The following CEP350 variants were observed in gnomAD, a reference collection of about 807,000 sequenced individuals.
CEP350 encodes the protein centrosome-associated protein 350.
Under a neutral mutation model 331.8 loss-of-function variants are expected in CEP350, and 126 were observed. That is an observed-to-expected ratio of 0.38 (90% CI 0.33 to 0.44). The LOEUF is 0.44. Ranked by LOEUF, CEP350 falls within the 20% of genes least tolerant of loss-of-function variation. CEP350 has a pLI of 1.00. For missense variants in CEP350, 3,406 were observed against 3,634.6 expected (o/e 0.94, Z 1.62); for synonymous variants, 1,200 against 1,259.5 (o/e 0.95, Z 1.00).
At chr1:180,094,991 C>T (rs912598653) in intron 34 of CEP350, among the ~76,000 whole-genome samples, 2 of 152,174 alleles carry the variant, frequency 1.3e-5, no homozygotes, top group African/African-American at 4.8e-5. Flanking sequence ...AGTGGCTCAC[C>T]ACCCAATTCT....
At chr1:180,031,595 T>A in intron 15 of CEP350, 101 bp downstream of exon 15, 1 of 479,600 alleles carries the variant, frequency 2.1e-6, no homozygotes, top group Non-Finnish European at 3.4e-6. Flanking sequence ...TCCCCTTAAC[T>A]GTGCATGTCT....
At chr1:179,955,462 T>G (rs963898987) in intron 1 of CEP350, among the ~76,000 whole-genome samples, 71 of 152,186 alleles carry the variant, frequency 4.7e-4, no homozygotes, top group African/African-American at 1.7e-3. Flanking sequence ...GTGTCCCTTC[T>G]TCATCTGGCG....
intron 10 of CEP350, among the ~76,000 whole-genome samples, 157 bp from the exon 11 acceptor site, chr1:180,015,692 A>T (rs1654929009): frequency 6.6e-6 from 1 of 152,158 alleles, no homozygotes; most frequent in African/African-American, 2.4e-5. Context: ...GTTTGTTTTT[A>T]AGACAAAATA....
intron 1 of CEP350, among the ~76,000 whole-genome samples, chr1:179,974,192 G>A (rs1270879142): frequency 6.6e-6 from 1 of 152,024 alleles, no homozygotes; most frequent in African/African-American, 2.4e-5. Context: ...CCATTCTCCT[G>A]CCTCAGCCTC....
chr1:180,027,893 T>C (rs1172085378), intron 14 of CEP350, among the ~76,000 whole-genome samples: 1 of 152,208 alleles, frequency 6.6e-6, no homozygotes, highest in Non-Finnish European at 1.5e-5. Flanking sequence ...TAAAATGTGG[T>C]ACATTTTGTC....
Position 180,065,545 on chromosome 1 carries a change from G to A in CEP350, c.5567+273G>A, listed in dbSNP as rs551393576. 2.0e-5 allele frequency among the ~76,000 whole-genome samples: 3 copies of A among 152,038 alleles called. No homozygotes were observed. The East Asian group carries it at 5.8e-4, about 29-fold the overall frequency. ...ACCTATAATCCCAGCACTTTGAGAA[G>A]CTGAGGCAGGAGGATCATCTGAGCC... is the stretch of plus-strand genomic sequence containing the variant. On this transcript the variant is annotated intron_variant, in intron 27 of 37. Coordinates refer to ENST00000367607, the MANE Select transcript of CEP350 (RefSeq NM_014810.5).
chr1:180,052,990 G>T lies in CEP350; in HGVS notation c.4813G>T (p.Glu1605Ter). The T allele has an allele frequency of 7.2e-7, 1 of 1,388,152 alleles. No homozygotes were observed. The highest frequency in any genetic ancestry group is 1.2e-5 in the South Asian group (1 of 82,152). 86.0% of individuals were successfully genotyped at this position (1,388,152 alleles called of 1,614,324 possible). ...TTTAGACTCAACGTCTATTGCAACA[G>T]AATATTCTCTGAAATTTGATGAATC... ...DEKDSTSIAT[E>*]YSLKFDESMT... is the part of the protein sequence containing the mutation. Residue 1605 changes from glutamate to a stop codon, truncating the protein, a stop_gained, in exon 23 of 38, where the codon GAA becomes TAA. Transcript: ENST00000367607. LOFTEE classifies it high-confidence loss of function.
intron 27 of CEP350, among the ~76,000 whole-genome samples, chr1:180,065,697 G>T (rs1274550594): frequency 6.6e-6 from 1 of 151,894 alleles, no homozygotes; most frequent in Admixed American, 6.6e-5. Context: ...GATCAAGGCT[G>T]CAGTGAGCTA....
At chr1:180,050,351 A>G (rs558751602) in intron 22 of CEP350, among the ~76,000 whole-genome samples, 2 of 152,284 alleles carry the variant, frequency 1.3e-5, no homozygotes, top group East Asian at 1.9e-4. Context: ...TCTAGAATAT[A>G]TAAAGAACTC....
intron 37 of CEP350, among the ~76,000 whole-genome samples, chr1:180,100,609 A>C (rs1238421069): frequency 2.0e-5 from 3 of 152,218 alleles, no homozygotes; most frequent in Non-Finnish European, 4.4e-5. Context: ...TGAAGGCAGA[A>C]ACCAGCCATT....
chr1:180,096,986 C>G (rs188242961), intron 36 of CEP350, among the ~76,000 whole-genome samples: 1 of 152,176 alleles, frequency 6.6e-6, no homozygotes, highest in Admixed American at 6.5e-5. Flanking sequence ...CCTGCTGGTC[C>G]TGCTGGTCCT....
At chr1:180,039,149 T>G in intron 17 of CEP350, among the ~76,000 whole-genome samples, 2 of 150,558 alleles carry the variant, frequency 1.3e-5, no homozygotes, top group African/African-American at 2.4e-5. Context: ...GGGGTGGTGG[T>G]AGCGGTTGGC....
chr1:180,039,874 A>G (rs941502120), intron 17 of CEP350, among the ~76,000 whole-genome samples: 2 of 152,196 alleles, frequency 1.3e-5, no homozygotes, highest in African/African-American at 4.8e-5. Context: ...GGGAGAATTC[A>G]CATCTTAACA....
At chr1:180,053,462 C>T (rs1293586137) in intron 23 of CEP350, among the ~76,000 whole-genome samples, 2 of 152,124 alleles carry the variant, frequency 1.3e-5, no homozygotes, top group South Asian at 2.1e-4. Context: ...AATTTACATT[C>T]GTTCTTACCA....
rs756362484 is a variant in CEP350, at chr1:180,014,266, G to A, written c.1813G>A (p.Glu605Lys). 6.2e-7 allele frequency: 1 copy of A among 1,606,406 alleles called. No homozygotes were observed. The highest frequency in any genetic ancestry group is 1.1e-5 in the South Asian group (1 of 89,364). ...ACGACAGTACATTGTTAGGCAGCAGGAGGAAAGGAAGAGAAAGCAAAATGA... is the reference window on the plus strand; with the variant it reads ...ACGACAGTACATTGTTAGGCAGCAGAAGGAAAGGAAGAGAAAGCAAAATGA... ...EVRQYIVRQQEERKRKQNEEK... is the reference protein window; with the variant it reads ...EVRQYIVRQQKERKRKQNEEK... Residue 605 changes from glutamate (E) to lysine (K), a missense_variant, in exon 10 of 38, where the codon GAG (glutamate) becomes AAG (lysine). Coordinates refer to ENST00000367607, the MANE Select transcript of CEP350 (RefSeq NM_014810.5).
At chr1:179,985,714 A>G (rs1652598635) in intron 1 of CEP350, among the ~76,000 whole-genome samples, 1 of 152,148 alleles carries the variant, frequency 6.6e-6, no homozygotes, top group African/African-American at 2.4e-5. Flanking sequence ...TAAAACCGTT[A>G]GATCTCACGA....
chr1:180,100,145 C>T (rs778780476), intron 37 of CEP350, among the ~76,000 whole-genome samples: 8 of 152,130 alleles, frequency 5.3e-5, no homozygotes, highest in Non-Finnish European at 1.0e-4. Context: ...TAATGTTATC[C>T]TTTGTTTTAC....
intron 1 of CEP350, among the ~76,000 whole-genome samples, chr1:179,963,126 G>A (rs922441758): frequency 2.6e-5 from 4 of 151,704 alleles, no homozygotes; most frequent in African/African-American, 4.8e-5. Flanking sequence ...AGAAGTATCC[G>A]TTTATGTCCA....
chr1:179,986,317 G>T, intron 2 of CEP350, 63 bp downstream of exon 2: 2 of 1,194,492 alleles, frequency 1.7e-6, no homozygotes. Flanking sequence ...ATTAAATTTT[G>T]GTCTAATAAA....
Sources: allele counts gnomAD v4.1 joint callset (sites outside exome capture counted in the v4.1 genomes callset), GRCh38; gene constraint gnomAD v4.1.1; transcripts MANE v1.5; gene names NCBI Gene and HGNC (gene_info 2026-07-23, HGNC 2026-07-21).